The following ANKS1B variants were observed in gnomAD, a reference collection of about 807,000 sequenced individuals.
The protein encoded by ANKS1B is ankyrin repeat and sterile alpha motif domain containing 1B.
In ANKS1B, 36 loss-of-function variants were observed where a neutral mutation model predicts 148.3. The ratio of observed to expected loss-of-function variants is 0.24; its 90% confidence interval spans 0.19 to 0.32. The LOEUF (loss-of-function observed/expected upper bound fraction) is 0.32. Ranked by LOEUF, ANKS1B falls within the 10% of genes least tolerant of loss-of-function variation. The probability of loss-of-function intolerance (pLI) is 1.00; values close to 1 mark genes in which losing one functional copy is unlikely to be tolerated. For missense variants in ANKS1B, 1,157 were observed against 1,542.6 expected (o/e 0.75, Z 4.19); for synonymous variants, 542 against 560.8 (o/e 0.97, Z 0.47).
intron 9 of ANKS1B, among the ~76,000 whole-genome samples, chr12:99,513,671 A>G (rs1027822694): frequency 1.3e-5 from 2 of 151,982 alleles, no homozygotes; most frequent in African/African-American, 2.4e-5. Context: ...GTCATTCCCA[A>G]TAAATCCTCA....
chr12:99,645,252 C>T (rs921035076), intron 9 of ANKS1B, among the ~76,000 whole-genome samples: 8 of 152,108 alleles, frequency 5.3e-5, no homozygotes, highest in Non-Finnish European at 1.2e-4. Flanking sequence ...CTTGCCATTT[C>T]CTCATTTCAA....
intron 12 of ANKS1B, among the ~76,000 whole-genome samples, chr12:99,312,826 A>G (rs1318988797): frequency 1.3e-5 from 2 of 152,166 alleles, no homozygotes; most frequent in Non-Finnish European, 2.9e-5. Context: ...AGCTAGAAAG[A>G]TCTCAAATCG....
intron 2 of ANKS1B, among the ~76,000 whole-genome samples, chr12:99,821,470 C>CA (rs5800383): frequency 8.4e-4 from 122 of 145,946 alleles, no homozygotes; most frequent in Admixed American, 2.3e-3. Flanking sequence ...TCTAAATCAC[C>CA]AAAAAAAAAA....
intron 8 of ANKS1B, among the ~76,000 whole-genome samples, chr12:99,692,382 G>A (rs1347387900): frequency 6.6e-6 from 1 of 152,160 alleles, no homozygotes. Context: ...GTAAGAAAAA[G>A]AGATGAGGCC....
intron 19 of ANKS1B, among the ~76,000 whole-genome samples, chr12:98,811,936 G>C (rs2099099628): frequency 6.6e-6 from 1 of 151,816 alleles, no homozygotes; most frequent in Non-Finnish European, 1.5e-5. Context: ...AGGATCCTAC[G>C]CCATACTTAT....
At chr12:99,940,154 G>A (rs1332514496) in intron 1 of ANKS1B, among the ~76,000 whole-genome samples, 1 of 152,076 alleles carries the variant, frequency 6.6e-6, no homozygotes, top group Non-Finnish European at 1.5e-5. Context: ...TCTAAGTAAA[G>A]CTTGATTATA....
intron 9 of ANKS1B, among the ~76,000 whole-genome samples, chr12:99,569,018 T>C (rs1012192642): frequency 6.6e-6 from 1 of 152,194 alleles, no homozygotes; most frequent in Admixed American, 6.5e-5. Flanking sequence ...CACGGTGATA[T>C]GTCTTTGGTT....
At chr12:99,948,667 A>G (rs560311328) in intron 1 of ANKS1B, among the ~76,000 whole-genome samples, 10 of 152,316 alleles carry the variant, frequency 6.6e-5, no homozygotes, top group Admixed American at 2.6e-4. Context: ...GGAAAAATCA[A>G]GTCACTCTAT....
rs148553922 is a variant in ANKS1B at position 98,870,993 on chromosome 12, C to A, written c.2779-38857G>T. On this transcript the variant is annotated intron_variant, in intron 17 of 26. Coordinates refer to ENST00000683438, the MANE Select transcript of ANKS1B (RefSeq NM_001352186.2). ...GAAGGTGCCACCATTTCATTTCTTC[C>A]TTTCTCATCTGATAAAAATTTCTTC... is the stretch of plus-strand genomic sequence containing the variant. Among the ~76,000 whole-genome samples, 702 of 152,284 alleles carry A rather than the reference C, an allele frequency of 4.6e-3. 3 individuals are homozygous for A. Among genetic ancestry groups the A allele is most frequent in the Non-Finnish European group, 8.4e-3 (573 of 68,022 alleles).
In ANKS1B at chr12:98,834,304, C is replaced by T. The variant is rs1275774957; in HGVS notation, c.2779-2168G>A. Among the ~76,000 whole-genome samples, 5 of 152,154 alleles carry T rather than the reference C, an allele frequency of 3.3e-5. 1 individual carries two copies. The highest frequency in any genetic ancestry group is 4.8e-5 in the African/African-American group (2 of 41,440). On this transcript the variant is annotated intron_variant, in intron 17 of 26. Coordinates refer to ENST00000683438, the MANE Select transcript of ANKS1B (RefSeq NM_001352186.2). ...TAAGGTTTGCTGAAAAAATGGCTCA[C>T]AATATTCCAGGTGTAAGTGAACCAT...
chr12:99,326,187 G>A (rs1288332551), intron 12 of ANKS1B, among the ~76,000 whole-genome samples: 1 of 152,038 alleles, frequency 6.6e-6, no homozygotes, highest in South Asian at 2.1e-4. Flanking sequence ...ATGAGACTGG[G>A]GTGGGGACAC....
chr12:99,154,800 A>T, intron 14 of ANKS1B: 1 of 1,453,956 alleles, frequency 6.9e-7, no homozygotes, highest in South Asian at 1.4e-5. Flanking sequence ...TTTATCAAGT[A>T]CTCCTACACT....
rs191537505 is a variant in ANKS1B, at chr12:98,850,506, C to T, written c.2779-18370G>A. On this transcript the variant is annotated intron_variant, in intron 17 of 26. Coordinates refer to ENST00000683438, the MANE Select transcript of ANKS1B (RefSeq NM_001352186.2). ...TTTTTGAGACGGAGTCTCACTCTGT[C>T]GCCCAGGCCAGAGTGCAGTGGCGTG... Among the ~76,000 whole-genome samples, 181 of 120,084 alleles carry T rather than the reference C, an allele frequency of 1.5e-3. 2 individuals are homozygous for T. Among genetic ancestry groups the T allele is most frequent in the Non-Finnish European group, 8.1e-4 (51 of 62,704 alleles). The allele number at this position is 120,084 out of a possible 152,430, so 78.8% of individuals were successfully genotyped here. A position where few individuals can be genotyped will look rare whatever the true frequency, so the allele number is the denominator to read the frequency against.
At chr12:99,695,435 T>G (rs1054163920) in intron 8 of ANKS1B, among the ~76,000 whole-genome samples, 1 of 152,216 alleles carries the variant, frequency 6.6e-6, no homozygotes, top group Admixed American at 6.5e-5. Context: ...CACAGTCTAA[T>G]GTGCACTGCA....
In ANKS1B at chr12:99,856,547, C is replaced by T. The variant is rs188098350; in HGVS notation, c.135-31158G>A. On this transcript the variant is annotated intron_variant, in intron 1 of 26. Coordinates refer to ENST00000683438, the MANE Select transcript of ANKS1B (RefSeq NM_001352186.2). The stretch of plus-strand genomic sequence containing the variant: ...AAATCATTCTATGAAGCCACTATCA[C>T]CCTAACACCAAAACCAGAAAAGGAA... Among the ~76,000 whole-genome samples, 48 of 152,074 alleles carry T rather than the reference C, an allele frequency of 3.2e-4. No homozygotes were observed. In the East Asian group the frequency reaches 9.1e-3, roughly 29 times the overall value.
chr12:99,244,198 T>C, intron 14 of ANKS1B, 144 bp downstream of exon 14: 1 of 587,434 alleles, frequency 1.7e-6, no homozygotes. Context: ...TTATATGTCA[T>C]TGTTGTTAGA....
At chr12:98,957,670 G>C (rs11109685) in intron 17 of ANKS1B, among the ~76,000 whole-genome samples, 10,984 of 152,112 alleles carry the variant, frequency 0.072, 1,110 homozygotes, top group African/African-American at 0.22. Context: ...ATAGTAAAGC[G>C]TTAGGGGTGG....
intron 14 of ANKS1B, among the ~76,000 whole-genome samples, chr12:99,225,763 C>A (rs936548400): frequency 2.6e-5 from 4 of 152,200 alleles, no homozygotes; most frequent in African/African-American, 9.6e-5. Flanking sequence ...GGGCCTTCGG[C>A]CACAGACTGA....
chr12:99,287,811 GAAGA>G (rs2079344968), intron 12 of ANKS1B, among the ~76,000 whole-genome samples: 1 of 152,230 alleles, frequency 6.6e-6, no homozygotes, highest in East Asian at 1.9e-4. Flanking sequence ...TGATCAAACA[GAAGA>G]AAGAATTACT....
Sources: allele counts gnomAD v4.1 joint callset (sites outside exome capture counted in the v4.1 genomes callset), GRCh38; gene constraint gnomAD v4.1.1; transcripts MANE v1.5; gene names NCBI Gene and HGNC (gene_info 2026-07-23, HGNC 2026-07-21).